FAM181A: variants seen among roughly 807,000 people sequenced by gnomAD.
FAM181A encodes the protein protein FAM181A.
FAM181A carries 7 observed loss-of-function variants against 16.3 expected under a neutral mutation model. That is an observed-to-expected ratio of 0.43 (90% CI 0.24 to 0.81). The LOEUF (loss-of-function observed/expected upper bound fraction) is 0.81. FAM181A is among the 30% of genes least tolerant of loss of function. The pLI, the probability that FAM181A is intolerant of heterozygous loss-of-function variation, is 0.24. For missense variants in FAM181A, 349 were observed against 377.5 expected, an observed-to-expected ratio of 0.92 and a Z score of 0.63; for synonymous variants, 183 against 164.9, an observed-to-expected ratio of 1.11 and a Z score of -0.84.
intron 1 of FAM181A, among the ~76,000 whole-genome samples, chr14:93,927,849 G>T (rs1887975417): frequency 6.6e-6 from 1 of 151,922 alleles, no homozygotes; most frequent in South Asian, 2.1e-4. Context: ...AGTTGCACAC[G>T]TTGGCAGCGT....
chr14:93,919,872 A>G (rs1288962105), intron 1 of FAM181A, among the ~76,000 whole-genome samples: 1 of 152,206 alleles, frequency 6.6e-6, no homozygotes, highest in African/African-American at 2.4e-5. Context: ...ACATTAGAAA[A>G]CAAGAAAGAT....
chr14:93,920,250 C>CA (rs1383866700), intron 1 of FAM181A, among the ~76,000 whole-genome samples: 3 of 152,014 alleles, frequency 2.0e-5, no homozygotes, highest in African/African-American at 4.8e-5. Context: ...CTCCTCTCTA[C>CA]AAAAAATTTT....
rs1438157137 is a variant in FAM181A, at chr14:93,929,031, C to T, written c.746C>T (p.Pro249Leu). ...LGLWRKSPAF[P>L]GELAHLCKDV... ...CTTTGGAGGAAGAGCCCAGCCTTTC[C>T]CGGGGAGCTGGCGCACCTCTGCAAG... Residue 249 changes from proline (P) to leucine (L), a missense_variant, in exon 2 of 2, where the codon CCC becomes CTC. Coordinates refer to ENST00000556222, the MANE Select transcript of FAM181A (RefSeq NM_001207073.2). 6.2e-7 allele frequency: 1 copy of T among 1,605,692 alleles called. No homozygotes were observed. The highest frequency in any genetic ancestry group is 8.5e-7 in the Non-Finnish European group (1 of 1,175,068).
In FAM181A at chr14:93,929,217, C is replaced by A. The variant is rs920900696; in HGVS notation, c.*53C>A. On this transcript the variant is annotated 3_prime_UTR_variant, in exon 2 of 2. Transcript: ENST00000556222. ...CTCTGGCCTGCAGGAGTGTCGAGGT[C>A]CCCGAGGCGCTCTCCTGTGAGGAGG... is the stretch of plus-strand genomic sequence containing the variant. 17 of 1,497,460 alleles carry A rather than the reference C, an allele frequency of 1.1e-5. No homozygotes were observed. Among genetic ancestry groups the A allele is most frequent in the Admixed American group, 2.3e-5 (1 of 43,890 alleles). The allele number at this position is 1,497,460 out of a possible 1,614,324, so 92.8% of individuals were successfully genotyped here.
chr14:93,926,802 G>A (rs1436746962), upstream of FAM181A: 2 of 152,178 alleles, frequency 1.3e-5, no homozygotes, highest in Non-Finnish European at 2.9e-5. This position sits in a 1 kb window ranked among gnomAD's most constrained non-coding sequence, Gnocchi z 5.2. Flanking sequence ...AGGGTGGTGG[G>A]GGTGGCAGGG....
At chr14:93,920,575 GA>G (rs953649675) in intron 1 of FAM181A, among the ~76,000 whole-genome samples, 1 of 152,006 alleles carries the variant, frequency 6.6e-6, no homozygotes, top group African/African-American at 2.4e-5. Flanking sequence ...ATAGGCTAAA[GA>G]AAAAAACACA....
chr14:93,927,717 G>A (rs1480322151), intron 1 of FAM181A: 25 of 1,097,888 alleles, frequency 2.3e-5, no homozygotes, highest in Non-Finnish European at 2.9e-5. Flanking sequence ...GGGGGCTGGT[G>A]CTCCTCGTGC....
chr14:93,920,837 C>T (rs7147403), intron 1 of FAM181A, among the ~76,000 whole-genome samples: 4 of 152,172 alleles, frequency 2.6e-5, no homozygotes, highest in African/African-American at 7.2e-5. Context: ...AACCCCATCC[C>T]TCCTGAGACT....
At chr14:93,925,470 C>T, upstream of FAM181A, 1 of 1,111,750 alleles carries the variant, frequency 9.0e-7, no homozygotes. Context: ...CCCTGGTGGC[C>T]ACAGGCCCTC....
At chr14:93,922,396 G>T (rs1271312422), upstream of FAM181A, 2 of 152,176 alleles carry the variant, frequency 1.3e-5, no homozygotes, top group Non-Finnish European at 2.9e-5. Flanking sequence ...GATCATAAGA[G>T]AAGCTTTTTT....
upstream of FAM181A, chr14:93,925,500 C>G (rs1247478229): frequency 1.3e-6 from 1 of 752,482 alleles, no homozygotes; most frequent in African/African-American, 1.8e-5. Flanking sequence ...TCTTCAGCCA[C>G]GCGTGCCAGA....
intron 1 of FAM181A, among the ~76,000 whole-genome samples, chr14:93,920,918 C>A (rs555599221): frequency 6.6e-6 from 1 of 152,176 alleles, no homozygotes; most frequent in Non-Finnish European, 1.5e-5. Flanking sequence ...CCAGCTCTAA[C>A]CCCACTCATT....
chr14:93,920,442 G>A (rs1402609876), intron 1 of FAM181A, among the ~76,000 whole-genome samples: 1 of 150,424 alleles, frequency 6.6e-6, no homozygotes, highest in Non-Finnish European at 1.5e-5. Context: ...AAGAGAGAGA[G>A]GAAGGAAGGA....
rs1345916332 is a variant in FAM181A at position 93,929,146 on chromosome 14, T to A, written c.861T>A (p.Asn287Lys). ...TKPAVPPPIF[N>K]VFGYL The stretch of plus-strand genomic sequence containing the variant: ...CAGCCGTGCCCCCACCCATCTTCAA[T>A]GTCTTTGGCTACCTCTAGCCACGCG... The change falls in exon 2 of 2, where the codon AAT becomes AAA. Residue 287 changes from asparagine to lysine, a missense_variant. By Grantham distance (94) the Asn-to-Lys change is moderately conservative. Transcript: ENST00000556222. The A allele has an allele frequency of 1.3e-6, 2 of 1,518,822 alleles. No homozygotes were observed. The highest frequency in any genetic ancestry group is 2.2e-5 in the Admixed American group (1 of 45,166). 94.1% of individuals were successfully genotyped at this position (1,518,822 alleles called of 1,614,324 possible). A position where few individuals can be genotyped will look rare whatever the true frequency, so the allele number is the denominator to read the frequency against.
exon 1 of FAM181A, chr14:93,918,935 A>G (rs1463268763): frequency 1.3e-5 from 2 of 152,150 alleles, no homozygotes; most frequent in African/African-American, 4.8e-5. Flanking sequence ...CAGACTTTTC[A>G]TTCCTGGTTG....
At chr14:93,921,954 A>C (rs962774388) in intron 1 of FAM181A, 2 of 152,222 alleles carry the variant, frequency 1.3e-5, no homozygotes, top group Non-Finnish European at 2.9e-5. Flanking sequence ...ATGACAATAT[A>C]TGACACATAT....
upstream of FAM181A, chr14:93,923,667 G>A (rs1887804296): frequency 6.6e-6 from 1 of 152,308 alleles, no homozygotes. Flanking sequence ...ACAGTGGACT[G>A]TCGGGAAACC....
upstream of FAM181A, chr14:93,925,208 G>A: frequency 2.0e-6 from 3 of 1,491,930 alleles, no homozygotes; most frequent in Non-Finnish European, 2.8e-6. Flanking sequence ...GGCCAGCAGG[G>A]CTGCAGGTGC....
upstream of FAM181A, chr14:93,925,183 G>A (rs141654229): frequency 5.7e-4 from 668 of 1,171,214 alleles, 2 homozygotes; most frequent in African/African-American, 8.6e-3. Context: ...CTTCATGAGC[G>A]GGCAGTGCAG....
Sources: gnomAD v4.1 joint callset for allele counts (sites outside exome capture counted in the v4.1 genomes callset) on GRCh38, gnomAD v4.1.1 for gene constraint, Gnocchi (gnomAD v3.1) non-coding constraint, MANE v1.5 for transcripts, NCBI Gene and HGNC (gene_info 2026-07-23, HGNC 2026-07-21) for gene names.